The following TEX10 variants were observed in gnomAD, a reference collection of about 807,000 sequenced individuals.
The protein encoded by TEX10 is testis-expressed protein 10.
A neutral mutation model predicts 104.4 loss-of-function variants in TEX10; 24 were observed. That is an observed-to-expected ratio of 0.23 (90% CI 0.17 to 0.32). The LOEUF (loss-of-function observed/expected upper bound fraction) is 0.32, where lower values mean the gene tolerates loss of function less well. Ranked by LOEUF, TEX10 falls within the 10% of genes least tolerant of loss-of-function variation. The probability of loss-of-function intolerance (pLI) is 1.00; values close to 1 mark genes in which losing one functional copy is unlikely to be tolerated. For synonymous variants in TEX10, 396 were observed against 393.4 expected (o/e 1.01, Z -0.08); for missense variants, 921 against 1,083.9 (o/e 0.85, Z 2.11).
intron 4 of TEX10, among the ~76,000 whole-genome samples, chr9:100,341,517 T>TGTAACA (rs1835173750): frequency 2.0e-5 from 1 of 48,790 alleles, no homozygotes; most frequent in South Asian, 2.0e-3. Flanking sequence ...ACTGGCATCA[T>TGTAACA]CCTTGACTCC....
chr9:100,303,490 G>A, intron 14 of TEX10, 142 bp downstream of exon 14: 1 of 845,080 alleles, frequency 1.2e-6, no homozygotes, highest in Non-Finnish European at 1.9e-6. Flanking sequence ...GGGAGACCCT[G>A]AGAAACTACC....
chr9:100,348,750 C>CA (rs1007573787), intron 2 of TEX10, among the ~76,000 whole-genome samples: 13 of 151,932 alleles, frequency 8.6e-5, no homozygotes, highest in Non-Finnish European at 7.4e-5. Flanking sequence ...CTTGCCTCCA[C>CA]AAAAAAATAA....
intron 11 of TEX10, among the ~76,000 whole-genome samples, chr9:100,312,692 G>A (rs1398968141): frequency 6.6e-6 from 1 of 152,094 alleles, no homozygotes; most frequent in Non-Finnish European, 1.5e-5. Flanking sequence ...CTCTCCCCAA[G>A]TATCATACCA....
At chr9:100,340,217 C>T in intron 5 of TEX10, 40 bp downstream of exon 5, 2 of 1,270,746 alleles carry the variant, frequency 1.6e-6, no homozygotes, top group South Asian at 3.2e-5. Flanking sequence ...TCAGGTTAAA[C>T]AGCTTTTCAA....
chr9:100,333,383 T>C (rs1446172533), intron 5 of TEX10, among the ~76,000 whole-genome samples: 1 of 152,208 alleles, frequency 6.6e-6, no homozygotes, highest in Non-Finnish European at 1.5e-5. Context: ...TAATTCTTCC[T>C]AAACTAATCT....
chr9:100,341,173 C>G (rs1587739752), intron 4 of TEX10, among the ~76,000 whole-genome samples: 1 of 152,274 alleles, frequency 6.6e-6, no homozygotes, highest in East Asian at 1.9e-4. Context: ...ACCATGTTGA[C>G]CCGGCTGGTC....
chr9:100,313,516 AAAAAAAAAAAAG>A (rs1229159768), intron 11 of TEX10, among the ~76,000 whole-genome samples: 20 of 149,394 alleles, frequency 1.3e-4, no homozygotes, highest in Admixed American at 1.3e-3. Flanking sequence ...ACTTGGTCAA[AAAAAAAAAAAAG>A]AAAAAGAAAA....
chr9:100,322,136 A>AC (rs1209111623), intron 9 of TEX10, among the ~76,000 whole-genome samples: 6 of 152,192 alleles, frequency 3.9e-5, no homozygotes, highest in African/African-American at 9.7e-5. Context: ...TTATAGTCTT[A>AC]CCCTCAGCAA....
intron 14 of TEX10, 59 bp downstream of exon 14, chr9:100,303,573 C>T (rs1377739608): frequency 1.9e-6 from 3 of 1,580,662 alleles, no homozygotes; most frequent in Non-Finnish European, 2.6e-6. Flanking sequence ...CCCCCATGCC[C>T]CCGTCATAAA....
Position 100,348,839 on chromosome 9 carries a change from A to T in TEX10, c.180+345T>A, listed in dbSNP as rs189359715. 3.5e-3 allele frequency among the ~76,000 whole-genome samples: 538 copies of T among 152,298 alleles called. 1 individual carries two copies. Among genetic ancestry groups the T allele is most frequent in the African/African-American group, 0.012 (510 of 41,564 alleles). On this transcript the variant is annotated intron_variant, in intron 2 of 14. Coordinates refer to ENST00000374902, the MANE Select transcript of TEX10 (RefSeq NM_017746.4). ...AGTAGGAGGATCACTTGAGCCCAGA[A>T]GGTCCTGGCTGCAGTGAGCCATGAT...
chr9:100,314,634 G>A (rs911107011), intron 11 of TEX10, among the ~76,000 whole-genome samples: 5 of 151,866 alleles, frequency 3.3e-5, no homozygotes, highest in African/African-American at 4.8e-5. Flanking sequence ...TCTAGCTACC[G>A]GCTATCAATC....
chr9:100,343,864 G>A (rs1835235472), intron 4 of TEX10, among the ~76,000 whole-genome samples: 1 of 152,182 alleles, frequency 6.6e-6, no homozygotes, highest in Admixed American at 6.5e-5. Flanking sequence ...ATTAGGCTGT[G>A]GCCAGGCAAA....
intron 2 of TEX10, among the ~76,000 whole-genome samples, chr9:100,347,649 C>G (rs1003505409): frequency 6.6e-6 from 1 of 152,110 alleles, no homozygotes; most frequent in Admixed American, 6.6e-5. Flanking sequence ...TACATGCAGG[C>G]TTAGGCGCTC....
intron 4 of TEX10, among the ~76,000 whole-genome samples, chr9:100,345,157 CA>C (rs1835270409): frequency 6.6e-6 from 1 of 152,154 alleles, no homozygotes. Flanking sequence ...AACAAAGTCT[CA>C]AAACCGTAAT....
chr9:100,317,681 A>T (rs1415016740), intron 11 of TEX10, among the ~76,000 whole-genome samples: 1 of 152,146 alleles, frequency 6.6e-6, no homozygotes, highest in Non-Finnish European at 1.5e-5. Flanking sequence ...ATAACTACCT[A>T]AGCAAACAGA....
rs371655640 is a variant in TEX10 at position 100,326,441 on chromosome 9, A to T, written c.1840T>A (p.Ser614Thr). 3.7e-6 allele frequency: 6 copies of T among 1,614,048 alleles called. No individual in the cohort carries two copies. The highest frequency in any genetic ancestry group is 5.1e-6 in the Non-Finnish European group (6 of 1,179,976). ...ACAAGCTGAACCAAACGCTGCTGAG[A>T]GTCTGCAGGGAGAACCACCACAGCA... ...EGAVVVLPAD[S>T]QQRLVQLVYF... Residue 614 changes from serine to threonine, a missense_variant, in exon 9 of 15, where the codon TCT becomes ACT. Ser to Thr is a moderately conservative substitution (Grantham distance 58). Around this residue, in one of 3 missense-constraint regions of TEX10, gnomAD observed 753 missense variants for 868.4 expected, o/e 0.87. Coordinates refer to ENST00000374902, the MANE Select transcript of TEX10 (RefSeq NM_017746.4).
At chr9:100,316,112 A>C (rs1834412013) in intron 11 of TEX10, among the ~76,000 whole-genome samples, 1 of 152,226 alleles carries the variant, frequency 6.6e-6, no homozygotes, top group African/African-American at 2.4e-5. Flanking sequence ...TTATGAACAC[A>C]GACACAAAAT....
At chr9:100,318,972 A>G (rs1588170355) in intron 11 of TEX10, among the ~76,000 whole-genome samples, 1 of 152,006 alleles carries the variant, frequency 6.6e-6, no homozygotes, top group South Asian at 2.1e-4. Context: ...TGGGAGGATC[A>G]CCTGAGGTTA....
chr9:100,308,784 C>G, intron 12 of TEX10, 103 bp from the exon 13 acceptor site: 1 of 1,146,366 alleles, frequency 8.7e-7, no homozygotes, highest in Non-Finnish European at 1.2e-6. Context: ...ATTATTTCTA[C>G]TGAAAACCAA....
Sources: allele counts gnomAD v4.1 joint callset (sites outside exome capture counted in the v4.1 genomes callset), GRCh38; gene constraint gnomAD v4.1.1; regional missense constraint gnomAD v4.1.1; transcripts MANE v1.5; gene names NCBI Gene and HGNC (gene_info 2026-07-23, HGNC 2026-07-21).